CNTN4: variants seen among roughly 807,000 people sequenced by gnomAD.
CNTN4 encodes contactin-4.
In CNTN4, 77 loss-of-function variants were observed where a neutral mutation model predicts 122.5. That is an observed-to-expected ratio of 0.63 (90% CI 0.52 to 0.76). The LOEUF (loss-of-function observed/expected upper bound fraction) is 0.76, where lower values mean the gene tolerates loss of function less well. CNTN4 is among the 30% of genes least tolerant of loss of function. The pLI, the probability that CNTN4 is intolerant of heterozygous loss-of-function variation, is 0.00. For synonymous variants in CNTN4, 512 were observed against 447.0 expected (o/e 1.15, Z -1.83); for missense variants, 1,256 against 1,259.1 (o/e 1.00, Z 0.04).
intron 2 of CNTN4, among the ~76,000 whole-genome samples, chr3:2,240,181 A>C (rs143459128): frequency 6.6e-6 from 1 of 152,202 alleles, no homozygotes; most frequent in African/African-American, 2.4e-5. Flanking sequence ...GTAAGTCCTG[A>C]ATGCCCTTTA....
At chr3:2,912,800 A>G (rs2094315106) in intron 12 of CNTN4, among the ~76,000 whole-genome samples, 2 of 152,228 alleles carry the variant, frequency 1.3e-5, no homozygotes, top group Admixed American at 6.5e-5. Context: ...GATAATATCT[A>G]TATAATATAC....
intron 13 of CNTN4, among the ~76,000 whole-genome samples, chr3:2,975,711 G>C (rs1693355359): frequency 6.6e-6 from 1 of 151,926 alleles, no homozygotes; most frequent in Admixed American, 6.5e-5. Context: ...CTACTCTGCT[G>C]TTCTGATTTT....
At chr3:2,604,016 G>A (rs1461246779) in intron 4 of CNTN4, among the ~76,000 whole-genome samples, 3 of 152,294 alleles carry the variant, frequency 2.0e-5, no homozygotes, top group East Asian at 3.9e-4. Flanking sequence ...TTCAAACACC[G>A]TGGAGAGTGG....
chr3:2,470,869 G>T (rs566351570), intron 3 of CNTN4, among the ~76,000 whole-genome samples: 1 of 152,282 alleles, frequency 6.6e-6, no homozygotes, highest in African/African-American at 2.4e-5. Flanking sequence ...TGTTTGAGAC[G>T]TCTGGTATAT....
intron 3 of CNTN4, among the ~76,000 whole-genome samples, chr3:2,381,692 T>C (rs1264801796): frequency 1.3e-5 from 2 of 152,196 alleles, no homozygotes; most frequent in Non-Finnish European, 2.9e-5. Context: ...GTAAATGATG[T>C]ATAAAAAGTC....
intron 3 of CNTN4, among the ~76,000 whole-genome samples, chr3:2,401,867 G>C (rs148562651): frequency 1.7e-3 from 255 of 152,266 alleles, no homozygotes; most frequent in African/African-American, 5.8e-3. Flanking sequence ...CAAGAGATTT[G>C]ATATTTTAAT....
At chr3:2,483,228 G>A (rs954741697) in intron 3 of CNTN4, among the ~76,000 whole-genome samples, 14 of 152,198 alleles carry the variant, frequency 9.2e-5, no homozygotes, top group African/African-American at 3.1e-4. Flanking sequence ...TTTACTGACT[G>A]TCCTATTACA....
chr3:2,490,523 T>G (rs2076286508), intron 3 of CNTN4, among the ~76,000 whole-genome samples: 1 of 132,040 alleles, frequency 7.6e-6, no homozygotes, highest in African/African-American at 2.5e-5. Flanking sequence ...GTAAAGTTGT[T>G]CAAAAATGCA....
intron 2 of CNTN4, among the ~76,000 whole-genome samples, chr3:2,148,794 A>T (rs780362403): frequency 6.6e-6 from 1 of 151,586 alleles, no homozygotes; most frequent in South Asian, 2.1e-4. Flanking sequence ...TTTATATTGT[A>T]TTATGATGTG....
chr3:2,486,181 C>T (rs1404438653), intron 3 of CNTN4, among the ~76,000 whole-genome samples: 1 of 152,138 alleles, frequency 6.6e-6, no homozygotes, highest in African/African-American at 2.4e-5. Context: ...CAGTTTCACT[C>T]CTGAAGCCCG....
chr3:2,107,510 A>C (rs2032550439), intron 2 of CNTN4, among the ~76,000 whole-genome samples: 1 of 152,234 alleles, frequency 6.6e-6, no homozygotes, highest in East Asian at 1.9e-4. Context: ...CTATCACGAA[A>C]ACAGCATGAG....
At chr3:2,780,840 A>C (rs142681856) in intron 6 of CNTN4, among the ~76,000 whole-genome samples, 1 of 152,232 alleles carries the variant, frequency 6.6e-6, no homozygotes, top group Non-Finnish European at 1.5e-5. Context: ...AGAGAATTAA[A>C]TTATCTTTAG....
rs184847185 is a variant in CNTN4 at position 2,218,332 on chromosome 3, T to C, written c.-145+117693T>C. Among the ~76,000 whole-genome samples the C allele has an allele frequency of 1.9e-4, 29 of 152,244 alleles. No homozygotes were observed. The Middle Eastern group carries it at 0.017, about 90-fold the overall frequency. On this transcript the variant is annotated intron_variant, in intron 2 of 24. Coordinates refer to ENST00000418658, the MANE Select transcript of CNTN4 (RefSeq NM_175607.3). ...TTTATTTTTTATGAAATTGCAAACA[T>C]GTATATACTATTTTACCACTTTCTT...
chr3:3,054,710 G>A (rs1370976305), intron 24 of CNTN4, among the ~76,000 whole-genome samples: 1 of 152,210 alleles, frequency 6.6e-6, no homozygotes, highest in Admixed American at 6.5e-5. Context: ...GGGAATGGGG[G>A]TTTAGGCACT....
intron 10 of CNTN4, among the ~76,000 whole-genome samples, chr3:2,897,106 A>T (rs1306032012): frequency 6.6e-6 from 1 of 152,190 alleles, no homozygotes; most frequent in Non-Finnish European, 1.5e-5. Context: ...TCTGCCTGCA[A>T]TATAAATTAT....
intron 2 of CNTN4, among the ~76,000 whole-genome samples, chr3:2,165,072 C>T (rs1171178056): frequency 6.6e-6 from 1 of 152,124 alleles, no homozygotes; most frequent in African/African-American, 2.4e-5. Flanking sequence ...CCTGTAATCG[C>T]AGCACTTTGG....
intron 2 of CNTN4, among the ~76,000 whole-genome samples, chr3:2,231,298 T>C (rs2039479309): frequency 6.6e-6 from 1 of 152,182 alleles, no homozygotes; most frequent in Non-Finnish European, 1.5e-5. Context: ...AATAGCATGA[T>C]AGTACAGTTG....
At chr3:2,120,092 G>GGGC (rs1559260221) in intron 2 of CNTN4, among the ~76,000 whole-genome samples, 1 of 151,852 alleles carries the variant, frequency 6.6e-6, no homozygotes, top group Non-Finnish European at 1.5e-5. Context: ...AGGTAAGTAA[G>GGGC]AGCTTGACTC....
At chr3:2,469,322 T>C (rs191696866) in intron 3 of CNTN4, among the ~76,000 whole-genome samples, 1 of 152,336 alleles carries the variant, frequency 6.6e-6, no homozygotes, top group East Asian at 1.9e-4. Flanking sequence ...AAGAAAACAG[T>C]GAGAGATTCA....
Sources: allele counts gnomAD v4.1 joint callset (sites outside exome capture counted in the v4.1 genomes callset), GRCh38; gene constraint gnomAD v4.1.1; transcripts MANE v1.5; gene names NCBI Gene and HGNC (gene_info 2026-07-23, HGNC 2026-07-21).